NFKB1: variants seen among roughly 807,000 people sequenced by gnomAD.
The protein encoded by NFKB1 is nuclear factor kappa B subunit 1, also known as nuclear factor NF-kappa-B p105 subunit.
NFKB1 carries 9 observed loss-of-function variants against 105.1 expected under a neutral mutation model. The ratio of observed to expected loss-of-function variants is 0.09; its 90% CI spans 0.05 to 0.15. The LOEUF (loss-of-function observed/expected upper bound fraction) is 0.15, where lower values mean the gene tolerates loss of function less well. Among genes scored for constraint, NFKB1 ranks in the 10% least tolerant of loss-of-function variants. The pLI, the probability that NFKB1 is intolerant of heterozygous loss-of-function variation, is 1.00. For synonymous variants in NFKB1, 440 were observed against 442.2 expected, an observed-to-expected ratio of 1.00 and a Z score of 0.06; for missense variants, 830 against 1,203.7, an observed-to-expected ratio of 0.69 and a Z score of 4.59.
intron 5 of NFKB1, among the ~76,000 whole-genome samples, chr4:102,556,055 G>T (rs1722967239): frequency 6.6e-6 from 1 of 152,090 alleles, no homozygotes; most frequent in Non-Finnish European, 1.5e-5. Context: ...TTTTTGGGGT[G>T]GTACTCAGCT....
chr4:102,538,856 G>A (rs900690501), intron 5 of NFKB1, among the ~76,000 whole-genome samples: 5 of 152,132 alleles, frequency 3.3e-5, no homozygotes, highest in East Asian at 1.9e-4. Flanking sequence ...CCCTCAGGGT[G>A]TAACATACTT....
intron 4 of NFKB1, among the ~76,000 whole-genome samples, chr4:102,535,127 TTCTCAGAGAAGG>T (rs1382769235): frequency 6.6e-6 from 1 of 152,170 alleles, no homozygotes; most frequent in African/African-American, 2.4e-5. Flanking sequence ...AAGCAGTTAT[TTCTCAGAGAAGG>T]TCATCAATTC....
chr4:102,527,235 G>A (rs1312558721), intron 2 of NFKB1, among the ~76,000 whole-genome samples: 3 of 152,190 alleles, frequency 2.0e-5, no homozygotes, highest in African/African-American at 7.2e-5. Flanking sequence ...GTAGTAGTCT[G>A]CGCAGAGCGG....
chr4:102,581,012 G>A (rs1209720465), intron 9 of NFKB1, among the ~76,000 whole-genome samples: 1 of 152,100 alleles, frequency 6.6e-6, no homozygotes, highest in Non-Finnish European at 1.5e-5. Context: ...GTTTTACATA[G>A]TATTAAATTG....
At chr4:102,528,024 G>A (rs1741037448) in intron 2 of NFKB1, among the ~76,000 whole-genome samples, 1 of 152,066 alleles carries the variant, frequency 6.6e-6, no homozygotes, top group African/African-American at 2.4e-5. Flanking sequence ...GCTTGAGCTT[G>A]GTGGTTTATA....
intron 17 of NFKB1, 92 bp downstream of exon 17, chr4:102,606,789 C>A (rs1727787965): frequency 1.5e-6 from 2 of 1,364,476 alleles, no homozygotes; most frequent in African/African-American, 1.4e-5. Context: ...TGATTTGCAC[C>A]CAAAAGTGCT....
chr4:102,616,507 GT>G lies in NFKB1; in HGVS notation c.2824del (p.Ser942LeufsTer2). ...TSFRKLSFTESLTSGASLLTL... is the reference protein window; with the variant it reads ...TSFRKLSFTEXLTSGASLLTL... ...CCTTCCGCAAACTCAGCTTTACCGA[GT>G]CTCTGACCAGTGGTGCCTCACTGCT... On this transcript the variant is annotated frameshift_variant, in exon 24 of 24. Transcript: ENST00000226574. LOFTEE classifies it high-confidence loss of function. The G allele has an allele frequency of 6.2e-7, 1 of 1,614,120 alleles. No individual in the cohort carries two copies. The highest frequency in any genetic ancestry group is 8.5e-7 in the Non-Finnish European group (1 of 1,180,018).
At chr4:102,592,303 CTG>C (rs1726240414) in intron 11 of NFKB1, among the ~76,000 whole-genome samples, 1 of 152,340 alleles carries the variant, frequency 6.6e-6, no homozygotes, top group East Asian at 1.9e-4. Context: ...GAAGTTAAAA[CTG>C]TGGATAAAAT....
intron 5 of NFKB1, among the ~76,000 whole-genome samples, chr4:102,556,880 A>G (rs564768560): frequency 1.7e-4 from 26 of 152,302 alleles, no homozygotes; most frequent in African/African-American, 6.3e-4. Context: ...AGTTGTCATC[A>G]TCATTATCCA....
At chr4:102,540,172 A>G (rs72679105) in intron 5 of NFKB1, among the ~76,000 whole-genome samples, 6 of 152,310 alleles carry the variant, frequency 3.9e-5, no homozygotes, top group South Asian at 2.1e-4. Flanking sequence ...CACAAAAAAT[A>G]TAAATTATGG....
chr4:102,532,182 C>T (rs1367952738), intron 3 of NFKB1, among the ~76,000 whole-genome samples: 2 of 151,914 alleles, frequency 1.3e-5, no homozygotes, highest in Non-Finnish European at 2.9e-5. Flanking sequence ...GTGACTCCCC[C>T]TTTTTTTTCT....
intron 11 of NFKB1, among the ~76,000 whole-genome samples, chr4:102,589,348 TAG>T (rs1725984459): frequency 6.6e-6 from 1 of 152,190 alleles, no homozygotes; most frequent in Non-Finnish European, 1.5e-5. Context: ...TTAGTTAAGA[TAG>T]AACCGATGGG....
At chr4:102,614,706 G>A (rs1728776260) in intron 23 of NFKB1, among the ~76,000 whole-genome samples, 2 of 152,002 alleles carry the variant, frequency 1.3e-5, no homozygotes, top group Admixed American at 1.3e-4. Context: ...AGTGTGTCAT[G>A]GTTGACGCCT....
At chr4:102,606,721 G>T in intron 17 of NFKB1, 24 bp downstream of exon 17, 1 of 1,601,186 alleles carries the variant, frequency 6.2e-7, no homozygotes, top group Non-Finnish European at 8.5e-7. Flanking sequence ...ACACATCATT[G>T]GTGTAACTTT....
intron 3 of NFKB1, 132 bp downstream of exon 3, chr4:102,530,046 A>G (rs906660889): frequency 1.3e-5 from 8 of 631,352 alleles, no homozygotes; most frequent in Non-Finnish European, 2.2e-5. Context: ...TTAAAAACCA[A>G]TCTTTTAACA....
At chr4:102,521,395 A>G (rs999533762) in intron 1 of NFKB1, among the ~76,000 whole-genome samples, 1 of 152,224 alleles carries the variant, frequency 6.6e-6, no homozygotes, top group Non-Finnish European at 1.5e-5. Context: ...GCTATCCAAG[A>G]TGAGGTATTA....
chr4:102,613,094 G>T (rs1437882340), intron 22 of NFKB1, among the ~76,000 whole-genome samples: 2 of 152,044 alleles, frequency 1.3e-5, no homozygotes, highest in East Asian at 3.9e-4. Context: ...TTTTGTTTCT[G>T]CATGGATTTC....
chr4:102,529,973 G>T (rs1741180998), intron 3 of NFKB1, 59 bp downstream of exon 3: 2 of 1,270,500 alleles, frequency 1.6e-6, no homozygotes, highest in Non-Finnish European at 2.3e-6. Context: ...TAAAATGCAG[G>T]ATTTGTTAAT....
At chr4:102,531,096 C>T (rs1741261988) in intron 3 of NFKB1, among the ~76,000 whole-genome samples, 1 of 152,120 alleles carries the variant, frequency 6.6e-6, no homozygotes, top group Non-Finnish European at 1.5e-5. Context: ...AATATAAGAA[C>T]TTGGTTCTGT....
Sources: gnomAD v4.1 joint callset for allele counts (sites outside exome capture counted in the v4.1 genomes callset) on GRCh38, gnomAD v4.1.1 for gene constraint, MANE v1.5 for transcripts, NCBI Gene and HGNC (gene_info 2026-07-23, HGNC 2026-07-21) for gene names.